XYLT1: variants seen among roughly 807,000 people sequenced by gnomAD.
XYLT1 encodes the protein xylosyltransferase 1, also known as beta-D-xylosyltransferase 1.
Under a neutral mutation model 91.3 loss-of-function variants are expected in XYLT1, and 36 were observed. That is an observed-to-expected ratio of 0.39 (90% confidence interval 0.30 to 0.52). XYLT1 has a LOEUF of 0.52. Ranked by LOEUF, XYLT1 falls within the 20% of genes least tolerant of loss-of-function variation. The pLI, the probability that XYLT1 is intolerant of heterozygous loss-of-function variation, is 0.68. For missense variants in XYLT1, 1,242 were observed against 1,284.5 expected (o/e 0.97, Z 0.51); for synonymous variants, 588 against 532.0 (o/e 1.11, Z -1.45).
intron 1 of XYLT1, among the ~76,000 whole-genome samples, chr16:17,368,203 C>T (rs1472453011): frequency 2.0e-5 from 3 of 152,068 alleles, no homozygotes; most frequent in African/African-American, 4.8e-5. Flanking sequence ...GGCTACAGCT[C>T]GGGATGTAGA....
At chr16:17,203,383 G>T (rs72777756) in intron 3 of XYLT1, among the ~76,000 whole-genome samples, 15,920 of 148,250 alleles carry the variant, frequency 0.11, 965 homozygotes, top group African/African-American at 0.15. Context: ...TTTATTCATC[G>T]ATCGAAATCC....
chr16:17,158,751 A>T, intron 6 of XYLT1, 78 bp downstream of exon 6: 1 of 1,510,854 alleles, frequency 6.6e-7, no homozygotes, highest in Middle Eastern at 1.7e-4. Context: ...GCTGCATGAA[A>T]CCAGCCTAGA....
At chr16:17,267,022 G>T (rs1307861948) in intron 2 of XYLT1, among the ~76,000 whole-genome samples, 1 of 152,232 alleles carries the variant, frequency 6.6e-6, no homozygotes, top group Non-Finnish European at 1.5e-5. Flanking sequence ...CACGCTGGAC[G>T]CAGGCAGGCC....
At chr16:17,413,723 G>A (rs962099638) in intron 1 of XYLT1, among the ~76,000 whole-genome samples, 3 of 152,038 alleles carry the variant, frequency 2.0e-5, no homozygotes, top group Admixed American at 6.6e-5. Flanking sequence ...CAGATTTTCT[G>A]TATTGTAGAT....
intron 7 of XYLT1, among the ~76,000 whole-genome samples, chr16:17,140,260 A>T (rs1326536196): frequency 6.6e-6 from 1 of 152,114 alleles, no homozygotes; most frequent in African/African-American, 2.4e-5. Flanking sequence ...TGAAACCAAC[A>T]CCCTTTTCTT....
intron 5 of XYLT1, among the ~76,000 whole-genome samples, chr16:17,178,929 T>G (rs1055633923): frequency 1.2e-4 from 18 of 151,996 alleles, no homozygotes; most frequent in Non-Finnish European, 7.4e-5. Flanking sequence ...ATTATCCAAG[T>G]GTGGTGACAT....
At chr16:17,283,912 C>A (rs1183798416) in intron 2 of XYLT1, among the ~76,000 whole-genome samples, 1 of 152,186 alleles carries the variant, frequency 6.6e-6, no homozygotes, top group Admixed American at 6.5e-5. Flanking sequence ...CATCTTCTTT[C>A]TAAGTATCCA....
At position 17,138,473 on chromosome 16, in the gene XYLT1, T is replaced by C. The variant is rs1210770692; in HGVS notation, c.1646A>G (p.Asn549Ser). The C allele has an allele frequency of 6.2e-7, 1 of 1,613,970 alleles. No individual in the cohort carries two copies. Among genetic ancestry groups the C allele is most frequent in the Non-Finnish European group, 8.5e-7 (1 of 1,180,024 alleles). Reference protein sequence around the residue: ...SPHCDTMVDNNLRITNWNRKL... With the variant: ...SPHCDTMVDNSLRITNWNRKL... ...GCGATTCCAGTTGGTGATGCGCAGG[T>C]TGTTGTCCACCATGGTGTCGCAGTG... Residue 549 changes from asparagine (N) to serine (S), a missense_variant, in exon 8 of 12, where the codon AAC becomes AGC. Physicochemically the swap from Asn to Ser is conservative, Grantham distance 46. Transcript: ENST00000261381.
At position 17,127,846 on chromosome 16, in the gene XYLT1, G is replaced by T; in HGVS notation, c.2043C>A (p.Gly681=). 6.2e-7 allele frequency: 1 copy of T among 1,613,790 alleles called. No homozygotes were observed. Residue 681 remains glycine, a synonymous_variant, in exon 10 of 12, where the codon GGC becomes GGA. Transcript: ENST00000261381. ...AGTAGAGGTGCACAGATGCTGGGTG[G>T]CCCATTGGGTAGTATCTGAAAACAC... ...GENSCRYYPM[G]HPASVHLYFL...
At chr16:17,458,763 ACTT>A (rs1322475430) in intron 1 of XYLT1, among the ~76,000 whole-genome samples, 3 of 152,060 alleles carry the variant, frequency 2.0e-5, no homozygotes, top group South Asian at 2.1e-4. Flanking sequence ...TTGTTAACCC[ACTT>A]CTTCTTACTT....
intron 3 of XYLT1, among the ~76,000 whole-genome samples, chr16:17,212,843 G>T (rs191300104): frequency 1.2e-3 from 184 of 152,332 alleles, no homozygotes; most frequent in Admixed American, 9.8e-4. Context: ...CTGGGTCCCA[G>T]TCACTTGGCC....
chr16:17,269,789 C>T (rs1045621331), intron 2 of XYLT1, among the ~76,000 whole-genome samples: 1 of 94,002 alleles, frequency 1.1e-5, no homozygotes, highest in Non-Finnish European at 2.2e-5. Context: ...CTCTCCTTCT[C>T]CCTTTATTAT....
chr16:17,248,650 C>T (rs1038462639), intron 3 of XYLT1, among the ~76,000 whole-genome samples: 1 of 152,068 alleles, frequency 6.6e-6, no homozygotes. Context: ...TCCAGCTTTT[C>T]CTCTAGTTAA....
chr16:17,173,230 C>T (rs536097447), intron 5 of XYLT1, among the ~76,000 whole-genome samples: 85 of 152,226 alleles, frequency 5.6e-4, no homozygotes, highest in Middle Eastern at 3.4e-3. Context: ...TCAAACAGGA[C>T]GTGTAGTAGA....
chr16:17,211,961 T>G (rs1369387809), intron 3 of XYLT1, among the ~76,000 whole-genome samples: 2 of 152,236 alleles, frequency 1.3e-5, no homozygotes, highest in Non-Finnish European at 2.9e-5. Flanking sequence ...AGCACTCACC[T>G]AGTTGTGACA....
At chr16:17,287,610 C>T (rs1037190738) in intron 2 of XYLT1, among the ~76,000 whole-genome samples, 6 of 152,238 alleles carry the variant, frequency 3.9e-5, no homozygotes, top group African/African-American at 1.4e-4. Context: ...CAGCCAAAAG[C>T]TTGCCTCTGG....
At chr16:17,320,003 T>C (rs752304830) in intron 2 of XYLT1, among the ~76,000 whole-genome samples, 21 of 152,190 alleles carry the variant, frequency 1.4e-4, no homozygotes, top group African/African-American at 2.7e-4. Flanking sequence ...ACAGCCTTTC[T>C]TCTGGCTCTT....
At chr16:17,203,377 T>G (rs2141592066) in intron 3 of XYLT1, among the ~76,000 whole-genome samples, 1 of 152,256 alleles carries the variant, frequency 6.6e-6, no homozygotes. Flanking sequence ...CATTAATTTA[T>G]TCATCGATCG....
chr16:17,164,065 A>AAAAAAAAG, intron 5 of XYLT1, among the ~76,000 whole-genome samples: 1 of 146,448 alleles, frequency 6.8e-6, no homozygotes, highest in Non-Finnish European at 1.5e-5. Flanking sequence ...AAAAAAAAAA[A>AAAAAAAAG]AAAAGAAAGA....
Sources: gnomAD v4.1 joint callset for allele counts (sites outside exome capture counted in the v4.1 genomes callset) on GRCh38, gnomAD v4.1.1 for gene constraint, MANE v1.5 for transcripts, NCBI Gene and HGNC (gene_info 2026-07-23, HGNC 2026-07-21) for gene names.